The following ITGA9 variants were observed in gnomAD, a reference collection of about 807,000 sequenced individuals.
ITGA9 encodes the protein integrin alpha-9.
A neutral mutation model predicts 127.8 loss-of-function variants in ITGA9; 56 were observed. The ratio of observed to expected loss-of-function variants is 0.44; its 90% CI spans 0.35 to 0.55. ITGA9 has a LOEUF of 0.55. Ranked by LOEUF, ITGA9 falls within the 20% of genes least tolerant of loss-of-function variation. The probability of loss-of-function intolerance (pLI) is 0.00; values close to 1 mark genes in which losing one functional copy is unlikely to be tolerated. For synonymous variants in ITGA9, 508 were observed against 514.5 expected, an observed-to-expected ratio of 0.99 and a Z score of 0.17; for missense variants, 1,196 against 1,347.1, an observed-to-expected ratio of 0.89 and a Z score of 1.76.
At chr3:37,533,121 T>G (rs1297431410) in intron 13 of ITGA9, among the ~76,000 whole-genome samples, 193 bp from the exon 14 acceptor site, 1 of 152,228 alleles carries the variant, frequency 6.6e-6, no homozygotes. Context: ...ATTAATTTAC[T>G]AGGCAATATG....
chr3:37,557,175 T>A (rs913539965), intron 15 of ITGA9, among the ~76,000 whole-genome samples: 5 of 152,220 alleles, frequency 3.3e-5, no homozygotes. Context: ...GTGGTTTTCC[T>A]TCTCCTTTTC....
chr3:37,512,124 CT>C (rs1306742734), intron 8 of ITGA9, among the ~76,000 whole-genome samples: 1,465 of 15,162 alleles, frequency 0.097, 162 homozygotes, highest in East Asian at 0.23. Context: ...TTCCTTCTTT[CT>C]TTTCTTTTCT....
chr3:37,776,612 T>G (rs1696911511), intron 23 of ITGA9, among the ~76,000 whole-genome samples: 1 of 152,246 alleles, frequency 6.6e-6, no homozygotes. Flanking sequence ...TAACAGTTCC[T>G]CAATTTAAAC....
In ITGA9 at chr3:37,508,609, T is replaced by C. The variant is rs1187081853; in HGVS notation, c.879T>C (p.Phe293=). ...DRRSGTLIKI[F]QASGKKMGSY... ...GATCAGGCACCTTAATTAAGATCTT[T>C]CAAGCATCAGGTAAAAAGGTGAGGT... The change falls in exon 8 of 28, where the codon TTT becomes TTC. Residue 293 remains phenylalanine (F), a synonymous_variant. Transcript: ENST00000264741. 1.2e-6 allele frequency: 2 copies of C among 1,613,842 alleles called. No individual in the cohort carries two copies. Among genetic ancestry groups the C allele is most frequent in the Admixed American group, 1.7e-5 (1 of 60,026 alleles).
intron 15 of ITGA9, among the ~76,000 whole-genome samples, chr3:37,615,112 T>C (rs1174104794): frequency 1.3e-5 from 2 of 152,206 alleles, no homozygotes; most frequent in Non-Finnish European, 2.9e-5. Flanking sequence ...TTGTCATAGA[T>C]AGCTCTTGTT....
intron 17 of ITGA9, among the ~76,000 whole-genome samples, chr3:37,655,397 G>A (rs1411970849): frequency 1.3e-5 from 2 of 152,150 alleles, no homozygotes; most frequent in Admixed American, 6.5e-5. Context: ...TCTAACTGGC[G>A]TGACATGGTA....
chr3:37,612,492 C>T (rs541664946), intron 15 of ITGA9, among the ~76,000 whole-genome samples: 62 of 152,216 alleles, frequency 4.1e-4, no homozygotes, highest in East Asian at 1.9e-4. Context: ...TTTCTATCGA[C>T]GGTAGAGTCA....
intron 12 of ITGA9, 146 bp from the exon 13 acceptor site, chr3:37,525,880 C>A: frequency 2.8e-6 from 2 of 726,718 alleles, no homozygotes; most frequent in South Asian, 2.9e-5. Context: ...TCCATTCTTA[C>A]AAGATCATTG....
intron 15 of ITGA9, among the ~76,000 whole-genome samples, chr3:37,582,254 G>A (rs574540970): frequency 6.6e-6 from 1 of 152,278 alleles, no homozygotes; most frequent in South Asian, 2.1e-4. Context: ...GAAAAAGGAG[G>A]CCAGAATTTA....
At chr3:37,681,243 T>C (rs1700731725) in intron 17 of ITGA9, among the ~76,000 whole-genome samples, 1 of 152,004 alleles carries the variant, frequency 6.6e-6, no homozygotes, top group Admixed American at 6.6e-5. Flanking sequence ...TGTGGGGTGG[T>C]TCAGAGCATA....
At chr3:37,480,612 G>A (rs572667987) in intron 3 of ITGA9, among the ~76,000 whole-genome samples, 1 of 152,288 alleles carries the variant, frequency 6.6e-6, no homozygotes, top group South Asian at 2.1e-4. Flanking sequence ...TTTGCTGTAT[G>A]TAAGTTTCCA....
intron 17 of ITGA9, among the ~76,000 whole-genome samples, chr3:37,664,448 G>T (rs1294819315): frequency 7.1e-6 from 1 of 141,662 alleles, no homozygotes; most frequent in South Asian, 2.2e-4. Context: ...TTTTTAGACG[G>T]AGTTTCGCTC....
At chr3:37,531,169 C>G (rs1015040889) in intron 13 of ITGA9, among the ~76,000 whole-genome samples, 15 of 152,096 alleles carry the variant, frequency 9.9e-5, no homozygotes, top group Non-Finnish European at 1.9e-4. Flanking sequence ...GAGACACAGT[C>G]TCCCCTGCCC....
chr3:37,522,804 A>G (rs1699057757), intron 11 of ITGA9, among the ~76,000 whole-genome samples: 1 of 152,074 alleles, frequency 6.6e-6, no homozygotes, highest in African/African-American at 2.4e-5. Flanking sequence ...CCCATGGTGA[A>G]GTTGTGAACT....
At chr3:37,695,553 C>T (rs751565315) in intron 18 of ITGA9, among the ~76,000 whole-genome samples, 2 of 152,182 alleles carry the variant, frequency 1.3e-5, no homozygotes, top group African/African-American at 4.8e-5. Context: ...TGTGAATGTA[C>T]GGCTACAGTC....
Position 37,547,876 on chromosome 3 carries a change from C to A in ITGA9, c.1689+5291C>A, listed in dbSNP as rs564751907. Among the ~76,000 whole-genome samples the A allele has an allele frequency of 2.0e-5, 3 of 152,302 alleles. No homozygotes were observed. The South Asian group carries it at 6.2e-4, about 32-fold the overall frequency. ...TTGTCAAAGAAAGGATGTCTTTCAGCTATCCTATTTTTCTCCCAAAGGCAA... is the reference window on the plus strand; with the variant it reads ...TTGTCAAAGAAAGGATGTCTTTCAGATATCCTATTTTTCTCCCAAAGGCAA... On this transcript the variant is annotated intron_variant, in intron 15 of 27. Coordinates refer to ENST00000264741, the MANE Select transcript of ITGA9 (RefSeq NM_002207.3).
intron 26 of ITGA9, among the ~76,000 whole-genome samples, chr3:37,794,602 C>CCT (rs371316874): frequency 2.0e-5 from 3 of 152,048 alleles, no homozygotes; most frequent in African/African-American, 4.8e-5. Flanking sequence ...GAGCTCCATC[C>CCT]CTCTCTCTCT....
chr3:37,463,061 T>G (rs1376008554), intron 1 of ITGA9, among the ~76,000 whole-genome samples: 2 of 152,004 alleles, frequency 1.3e-5, no homozygotes, highest in Non-Finnish European at 2.9e-5. Context: ...TCCTGGTTGG[T>G]GATGAGATTC....
intron 15 of ITGA9, among the ~76,000 whole-genome samples, chr3:37,624,124 A>C (rs1156447489): frequency 1.3e-5 from 2 of 151,382 alleles, no homozygotes; most frequent in African/African-American, 4.9e-5. Context: ...TTACAAATTT[A>C]AAGTGGGGCC....
Sources: gnomAD v4.1 joint callset for allele counts (sites outside exome capture counted in the v4.1 genomes callset) on GRCh38, gnomAD v4.1.1 for gene constraint, MANE v1.5 for transcripts, NCBI Gene and HGNC (gene_info 2026-07-23, HGNC 2026-07-21) for gene names.